Variants in LMX1A observed in about 807,000 individuals in gnomAD.
LMX1A encodes LIM homeobox transcription factor 1-alpha.
In LMX1A, 15 loss-of-function variants were observed where a neutral mutation model predicts 49.1. The ratio of observed to expected loss-of-function variants is 0.31; its 90% confidence interval spans 0.20 to 0.47. The LOEUF (loss-of-function observed/expected upper bound fraction) is 0.47, where lower values mean the gene tolerates loss of function less well. LMX1A is among the 20% of genes least tolerant of loss of function. LMX1A has a pLI of 1.00. For missense variants in LMX1A, 372 were observed against 475.8 expected (o/e 0.78, Z 2.03); for synonymous variants, 167 against 185.7 (o/e 0.90, Z 0.82).
intron 4 of LMX1A, among the ~76,000 whole-genome samples, chr1:165,236,815 A>G (rs555836123): frequency 5.2e-4 from 78 of 148,808 alleles, no homozygotes; most frequent in African/African-American, 1.8e-3. Flanking sequence ...ACCCCAGACC[A>G]TTAAATCCCT....
intron 3 of LMX1A, among the ~76,000 whole-genome samples, chr1:165,338,937 A>G (rs891842171): frequency 4.6e-5 from 7 of 152,142 alleles, no homozygotes; most frequent in African/African-American, 1.7e-4. Flanking sequence ...CTGACCATAC[A>G]CTGTTCTCCC....
intron 3 of LMX1A, among the ~76,000 whole-genome samples, chr1:165,275,847 ATGTGTGTG>A (rs529022372): frequency 2.3e-3 from 313 of 139,078 alleles, no homozygotes; most frequent in African/African-American, 6.2e-3. Flanking sequence ...GTGTGTGTGT[ATGTGTGTG>A]TGTGTGTGTG....
At chr1:165,277,020 A>G (rs1557871229) in intron 3 of LMX1A, among the ~76,000 whole-genome samples, 1 of 152,258 alleles carries the variant, frequency 6.6e-6, no homozygotes, top group Non-Finnish European at 1.5e-5. Context: ...AATAATTATT[A>G]GCAGCTTCAA....
intron 5 of LMX1A, among the ~76,000 whole-genome samples, chr1:165,212,347 C>T (rs147637381): frequency 6.6e-5 from 10 of 152,310 alleles, no homozygotes; most frequent in African/African-American, 2.4e-4. Context: ...TGCTTCCTGC[C>T]AACCTCATGA....
At chr1:165,267,788 T>C (rs1375080222) in intron 3 of LMX1A, among the ~76,000 whole-genome samples, 2 of 152,150 alleles carry the variant, frequency 1.3e-5, no homozygotes, top group African/African-American at 2.4e-5. Flanking sequence ...AGTGAGATGA[T>C]GACTGAGCAC....
chr1:165,316,011 T>C (rs1376484560), intron 3 of LMX1A, among the ~76,000 whole-genome samples: 1 of 152,210 alleles, frequency 6.6e-6, no homozygotes, highest in Non-Finnish European at 1.5e-5. Flanking sequence ...AAGGACCTAC[T>C]GGACGTCTCT....
intron 3 of LMX1A, among the ~76,000 whole-genome samples, chr1:165,284,658 C>T (rs1468030456): frequency 2.0e-5 from 3 of 152,210 alleles, no homozygotes; most frequent in African/African-American, 7.2e-5. Flanking sequence ...TTAAACTTTC[C>T]TCCTCTAGTT....
chr1:165,311,378 C>T (rs1473583257), intron 3 of LMX1A, among the ~76,000 whole-genome samples: 1 of 152,196 alleles, frequency 6.6e-6, no homozygotes, highest in African/African-American at 2.4e-5. Flanking sequence ...AGCCTCCTCT[C>T]AACTGGATAG....
Position 165,322,018 on chromosome 1 carries a change from C to T in LMX1A, c.263+31058G>A, listed in dbSNP as rs1341875541. 3.3e-5 allele frequency among the ~76,000 whole-genome samples: 5 copies of T among 152,036 alleles called. 1 individual carries two copies. Among genetic ancestry groups the T allele is most frequent in the South Asian group, 4.1e-4 (2 of 4,820 alleles). ...ACACAACTTTAAAATGGGCAAAGGA[C>T]TTAAATAGACATTGTTCCAGAAATA... On this transcript the variant is annotated intron_variant, in intron 3 of 8. Transcript: ENST00000342310.
At chr1:165,351,984 G>GCACGCGCGCGTC (rs1656443121) in intron 3 of LMX1A, among the ~76,000 whole-genome samples, 1 of 152,004 alleles carries the variant, frequency 6.6e-6, no homozygotes, top group Non-Finnish European at 1.5e-5. Flanking sequence ...TTCTGCGCGT[G>GCACGCGCGCGTC]CACGCGCGCG....
At chr1:165,265,005 C>T (rs1653574351) in intron 3 of LMX1A, among the ~76,000 whole-genome samples, 1 of 152,036 alleles carries the variant, frequency 6.6e-6, no homozygotes, top group Non-Finnish European at 1.5e-5. Context: ...AGATCAAGAC[C>T]ATCCTGGCTA....
intron 3 of LMX1A, among the ~76,000 whole-genome samples, chr1:165,282,168 A>G (rs1457443903): frequency 6.6e-6 from 1 of 152,158 alleles, no homozygotes; most frequent in Non-Finnish European, 1.5e-5. Flanking sequence ...ATGGTTTTCA[A>G]TACCACCTAT....
intron 4 of LMX1A, among the ~76,000 whole-genome samples, chr1:165,246,661 T>C: frequency 6.6e-6 from 1 of 152,238 alleles, no homozygotes. Flanking sequence ...ATTCTAAATC[T>C]GTTCTCTGAA....
chr1:165,261,686 A>G (rs1473827495), intron 3 of LMX1A, among the ~76,000 whole-genome samples: 2 of 152,208 alleles, frequency 1.3e-5, no homozygotes, highest in African/African-American at 4.8e-5. Flanking sequence ...ATATGCCTAC[A>G]ATGGAATATT....
intron 3 of LMX1A, among the ~76,000 whole-genome samples, chr1:165,297,688 C>A (rs1310920110): frequency 6.6e-6 from 1 of 152,138 alleles, no homozygotes; most frequent in Non-Finnish European, 1.5e-5. Flanking sequence ...TTGTGACTTC[C>A]AGGGCTGTGT....
rs56036428 is a variant in LMX1A, at chr1:165,315,950, C to T, written c.263+37126G>A. ...TAAAGACGCAAAGGGCTTCTTCTTT[C>T]TGGTAGGATTTCAGATCCTGTCATG... On this transcript the variant is annotated intron_variant, in intron 3 of 8. Transcript: ENST00000342310. 8.0e-3 allele frequency among the ~76,000 whole-genome samples: 1,215 copies of T among 152,270 alleles called. 20 individuals carry two copies. Among genetic ancestry groups the T allele is most frequent in the African/African-American group, 0.028 (1,158 of 41,556 alleles).
At chr1:165,326,064 C>T (rs1287170501) in intron 3 of LMX1A, among the ~76,000 whole-genome samples, 1 of 152,110 alleles carries the variant, frequency 6.6e-6, no homozygotes, top group Non-Finnish European at 1.5e-5. Flanking sequence ...AGCCCCTGGT[C>T]CCTTCAGGCC....
chr1:165,272,425 G>T (rs548243428), intron 3 of LMX1A, among the ~76,000 whole-genome samples: 2 of 152,192 alleles, frequency 1.3e-5, no homozygotes, highest in Non-Finnish European at 2.9e-5. Flanking sequence ...GGCAAAGTAA[G>T]GGTGGCAACC....
chr1:165,246,500 T>A (rs1262341312), intron 4 of LMX1A, among the ~76,000 whole-genome samples: 1 of 152,096 alleles, frequency 6.6e-6, no homozygotes, highest in Non-Finnish European at 1.5e-5. Flanking sequence ...GAATAGGGAG[T>A]GCTATCTCTT....
Sources: allele counts gnomAD v4.1 joint callset (sites outside exome capture counted in the v4.1 genomes callset), GRCh38; gene constraint gnomAD v4.1.1; transcripts MANE v1.5; gene names NCBI Gene and HGNC (gene_info 2026-07-23, HGNC 2026-07-21).